The following PXDNL variants were observed in gnomAD, a reference collection of about 807,000 sequenced individuals.
PXDNL encodes probable oxidoreductase PXDNL.
A neutral mutation model predicts 150.8 loss-of-function variants in PXDNL; 145 were observed. The ratio of observed to expected loss-of-function variants is 0.96; its 90% CI spans 0.84 to 1.10. The LOEUF is 1.10. Among genes scored for constraint, PXDNL ranks in the 50% least tolerant of loss-of-function variants. The pLI, the probability that PXDNL is intolerant of heterozygous loss-of-function variation, is 0.00. For synonymous variants in PXDNL, 757 were observed against 725.7 expected, an observed-to-expected ratio of 1.04 and a Z score of -0.69; for missense variants, 2,087 against 1,873.9, an observed-to-expected ratio of 1.11 and a Z score of -2.10.
intron 17 of PXDNL, among the ~76,000 whole-genome samples, chr8:51,377,713 C>A (rs554525814): frequency 1.3e-5 from 2 of 152,170 alleles, no homozygotes; most frequent in East Asian, 3.9e-4. Context: ...GGCTGGCCAG[C>A]GCTGCGCTCG....
chr8:51,508,326 C>T (rs1336765432), intron 4 of PXDNL, among the ~76,000 whole-genome samples: 1 of 152,184 alleles, frequency 6.6e-6, no homozygotes, highest in East Asian at 1.9e-4. Context: ...AAAAGAAAAA[C>T]AAGGCTGTGA....
intron 19 of PXDNL, among the ~76,000 whole-genome samples, chr8:51,365,076 G>A (rs558191591): frequency 6.6e-6 from 1 of 152,236 alleles, no homozygotes; most frequent in East Asian, 1.9e-4. Flanking sequence ...AAGTAGCTGG[G>A]ATTACAGGCA....
chr8:51,779,596 G>A (rs773598963), intron 1 of PXDNL, among the ~76,000 whole-genome samples: 3 of 152,228 alleles, frequency 2.0e-5, no homozygotes, highest in Non-Finnish European at 4.4e-5. Flanking sequence ...GAAAGGATGA[G>A]CAGAGACAGG....
intron 4 of PXDNL, among the ~76,000 whole-genome samples, chr8:51,508,044 A>G (rs1002806201): frequency 4.6e-5 from 7 of 152,228 alleles, no homozygotes; most frequent in African/African-American, 7.2e-5. Context: ...GTGCCAAATA[A>G]GAAGGGGAAA....
chr8:51,359,062 A>G (rs2915481), intron 19 of PXDNL, among the ~76,000 whole-genome samples: 111,450 of 152,004 alleles, frequency 0.73, 41,405 homozygotes, highest in East Asian at 0.94. Flanking sequence ...GCTTTAGCCT[A>G]CGGGAGGCTG....
chr8:51,748,144 A>G (rs1283202133), intron 1 of PXDNL, among the ~76,000 whole-genome samples: 3 of 152,210 alleles, frequency 2.0e-5, no homozygotes, highest in Non-Finnish European at 2.9e-5. Context: ...CCTCCTAGTC[A>G]TATGACAGCA....
intron 19 of PXDNL, among the ~76,000 whole-genome samples, chr8:51,351,361 T>G (rs1414475364): frequency 6.6e-6 from 1 of 152,196 alleles, no homozygotes; most frequent in Non-Finnish European, 1.5e-5. Flanking sequence ...AGAAGAAATT[T>G]GGACACAGCC....
At chr8:51,731,902 C>A (rs536959413) in intron 1 of PXDNL, among the ~76,000 whole-genome samples, 131 of 152,112 alleles carry the variant, frequency 8.6e-4, no homozygotes, top group Non-Finnish European at 1.6e-3. Context: ...ATTTTTTTTC[C>A]TTCTAGGCCT....
chr8:51,599,789 T>C (rs554743539), intron 2 of PXDNL, among the ~76,000 whole-genome samples: 1 of 143,102 alleles, frequency 7.0e-6, no homozygotes, highest in East Asian at 2.0e-4. Context: ...ATAAATGATA[T>C]CGTTTAGATA....
chr8:51,550,851 C>A (rs1812463778), intron 4 of PXDNL, among the ~76,000 whole-genome samples: 1 of 152,118 alleles, frequency 6.6e-6, no homozygotes, highest in African/African-American at 2.4e-5. Flanking sequence ...AAAGGGCATC[C>A]TAATCAGTAA....
At chr8:51,362,130 A>C (rs1239876092) in intron 19 of PXDNL, among the ~76,000 whole-genome samples, 1 of 152,172 alleles carries the variant, frequency 6.6e-6, no homozygotes, top group Non-Finnish European at 1.5e-5. Flanking sequence ...TGATAAGAAA[A>C]TATCTGTTAA....
At chr8:51,619,815 T>TA (rs1814205544) in intron 2 of PXDNL, among the ~76,000 whole-genome samples, 2 of 152,182 alleles carry the variant, frequency 1.3e-5, no homozygotes, top group Non-Finnish European at 1.5e-5. Flanking sequence ...AACAAACTAA[T>TA]ACACTGGGTT....
chr8:51,591,409 G>C (rs543284424), intron 3 of PXDNL, among the ~76,000 whole-genome samples: 31 of 152,254 alleles, frequency 2.0e-4, no homozygotes, highest in Non-Finnish European at 4.1e-4. Flanking sequence ...TTAGGCTGAG[G>C]TGTCTCAGCT....
intron 20 of PXDNL, among the ~76,000 whole-genome samples, chr8:51,343,462 G>A (rs1806048704): frequency 6.6e-6 from 1 of 152,208 alleles, no homozygotes; most frequent in South Asian, 2.1e-4. Context: ...TAAAGTGTAT[G>A]TTTGAGTAAA....
At chr8:51,403,034 A>C (rs1251765696) in intron 17 of PXDNL, among the ~76,000 whole-genome samples, 1 of 150,804 alleles carries the variant, frequency 6.6e-6, no homozygotes, top group African/African-American at 2.4e-5. Context: ...AGCTTGCAGT[A>C]AGCTGAGATC....
intron 8 of PXDNL, among the ~76,000 whole-genome samples, chr8:51,464,878 T>C (rs1814121): frequency 0.53 from 79,975 of 151,966 alleles, 24,912 homozygotes; most frequent in Non-Finnish European, 0.69. Context: ...ATAACAATAA[T>C]AATGATAATG....
intron 4 of PXDNL, among the ~76,000 whole-genome samples, chr8:51,530,585 G>A (rs1179916703): frequency 6.6e-6 from 1 of 152,044 alleles, no homozygotes; most frequent in African/African-American, 2.4e-5. Context: ...GTGTCTCTGC[G>A]GCTCTCCACT....
At chr8:51,608,194 C>G in intron 2 of PXDNL, among the ~76,000 whole-genome samples, 1 of 147,566 alleles carries the variant, frequency 6.8e-6, no homozygotes, top group Non-Finnish European at 1.5e-5. Context: ...TCAAGACCAT[C>G]CTGGCTAACA....
Position 51,540,716 on chromosome 8 carries a change from CAGTT to C in PXDNL, c.380+16120_380+16123del, listed in dbSNP as rs1440117766. Among the ~76,000 whole-genome samples the C allele has an allele frequency of 2.6e-5, 4 of 152,068 alleles. 1 individual carries two copies. The highest frequency in any genetic ancestry group is 7.2e-5 in the African/African-American group (3 of 41,392). On this transcript the variant is annotated intron_variant, in intron 4 of 22. Coordinates refer to ENST00000356297, the MANE Select transcript of PXDNL (RefSeq NM_144651.5). ...TTTGGGTGTAGTGCTCTATTAATAT[CAGTT>C]AGGTCAAGTTGGTTGATTTTGTTAT... is the stretch of plus-strand genomic sequence containing the variant.
Sources: allele counts gnomAD v4.1 joint callset (sites outside exome capture counted in the v4.1 genomes callset), GRCh38; gene constraint gnomAD v4.1.1; transcripts MANE v1.5; gene names NCBI Gene and HGNC (gene_info 2026-07-23, HGNC 2026-07-21).